The following SLIT2 variants were observed in gnomAD, a reference collection of about 807,000 sequenced individuals.
SLIT2 encodes the protein slit guidance ligand 2.
In SLIT2, 41 loss-of-function variants were observed where a neutral mutation model predicts 185.7. The observed-to-expected ratio is 0.22, with a 90% CI of 0.17 to 0.29. The LOEUF is 0.29. Ranked by LOEUF, SLIT2 falls within the 10% of genes least tolerant of loss-of-function variation. The pLI is 1.00. For missense variants in SLIT2, 1,571 were observed against 1,909.0 expected (o/e 0.82, Z 3.30); for synonymous variants, 693 against 680.2 (o/e 1.02, Z -0.29).
At chr4:20,436,148 TAAGTA>T (rs1221053418) in intron 4 of SLIT2, among the ~76,000 whole-genome samples, 1 of 152,260 alleles carries the variant, frequency 6.6e-6, no homozygotes, top group Non-Finnish European at 1.5e-5. Flanking sequence ...AGACTTCAGT[TAAGTA>T]GATTATCAGA....
chr4:20,596,765 T>C lies in SLIT2; in HGVS notation c.3561+110T>C, dbSNP rs928091102. 22 of 1,088,500 alleles carry C rather than the reference T, an allele frequency of 2.0e-5. No individual in the cohort carries two copies. In the Admixed American group the frequency reaches 5.2e-4, roughly 26 times the overall value. 67.4% of individuals were successfully genotyped at this position (1,088,500 alleles called of 1,614,324 possible). A position where few individuals can be genotyped will look rare whatever the true frequency, so the allele number is the denominator to read the frequency against. On this transcript the variant is annotated intron_variant, in intron 32 of 36. Coordinates refer to ENST00000504154, the MANE Select transcript of SLIT2 (RefSeq NM_004787.4). The stretch of plus-strand genomic sequence containing the variant: ...TTGATAGTATGTCTTAAATAGACAG[T>C]TAAAAACAGAAAATGCTCCTTGTGT...
At chr4:20,450,630 G>A (rs947988853) in intron 4 of SLIT2, among the ~76,000 whole-genome samples, 1 of 152,020 alleles carries the variant, frequency 6.6e-6, no homozygotes, top group Non-Finnish European at 1.5e-5. Context: ...AATCCAACTG[G>A]GTACACTATT....
intron 29 of SLIT2, among the ~76,000 whole-genome samples, chr4:20,588,944 G>T (rs911921997): frequency 6.6e-6 from 1 of 152,124 alleles, no homozygotes. Context: ...AGAGGATGTG[G>T]CTCTAAGAAG....
intron 4 of SLIT2, among the ~76,000 whole-genome samples, chr4:20,430,500 T>C (rs1728891530): frequency 6.6e-6 from 1 of 152,222 alleles, no homozygotes; most frequent in Admixed American, 6.5e-5. Flanking sequence ...TGTTTTAATA[T>C]CAAAGACAGA....
intron 30 of SLIT2, among the ~76,000 whole-genome samples, chr4:20,594,613 T>G (rs542737018): frequency 6.6e-6 from 1 of 152,172 alleles, no homozygotes; most frequent in Admixed American, 6.5e-5. Context: ...GTTTGAAAAC[T>G]GCTGCACGTG....
At position 20,619,147 on chromosome 4, in the gene SLIT2, G is replaced by T; in HGVS notation, c.*138G>T. On this transcript the variant is annotated 3_prime_UTR_variant, in exon 37 of 37. Coordinates refer to ENST00000504154, the MANE Select transcript of SLIT2 (RefSeq NM_004787.4). ...GACTTATTTTTATTATGAGAATAAA[G>T]ACTTTTTTTCTGCATTTGGAAAAAA... 2 of 857,204 alleles carry T rather than the reference G, an allele frequency of 2.3e-6. No homozygotes were observed. Among genetic ancestry groups the T allele is most frequent in the South Asian group, 3.4e-5 (1 of 29,618 alleles). The allele number at this position is 857,204 out of a possible 1,614,324, so 53.1% of individuals were successfully genotyped here.
chr4:20,427,706 G>T, intron 4 of SLIT2, among the ~76,000 whole-genome samples: 1 of 150,784 alleles, frequency 6.6e-6, no homozygotes. Context: ...TCTAACAATG[G>T]CTGATAATCA....
chr4:20,345,979 G>A (rs1196378480), intron 4 of SLIT2, among the ~76,000 whole-genome samples: 4 of 151,438 alleles, frequency 2.6e-5, no homozygotes, highest in Non-Finnish European at 5.9e-5. Flanking sequence ...CTCAACCTAG[G>A]CACTATTTAT....
intron 18 of SLIT2, among the ~76,000 whole-genome samples, chr4:20,534,122 C>T (rs595012): frequency 6.6e-6 from 1 of 152,092 alleles, no homozygotes; most frequent in African/African-American, 2.4e-5. Flanking sequence ...TCAAAATGGT[C>T]ATTTTATTTC....
chr4:20,596,128 C>T (rs905492310), intron 31 of SLIT2, among the ~76,000 whole-genome samples: 3 of 152,010 alleles, frequency 2.0e-5, no homozygotes, highest in African/African-American at 7.3e-5. Flanking sequence ...GTAGAACTTA[C>T]AGAAGCAAAG....
intron 4 of SLIT2, among the ~76,000 whole-genome samples, chr4:20,295,477 A>G (rs1442278615): frequency 6.6e-6 from 1 of 152,152 alleles, no homozygotes; most frequent in Non-Finnish European, 1.5e-5. Context: ...GGAAATCTTC[A>G]CTCAGGTTTG....
intron 11 of SLIT2, among the ~76,000 whole-genome samples, chr4:20,513,932 G>A (rs1719969953): frequency 6.6e-6 from 1 of 152,166 alleles, no homozygotes; most frequent in South Asian, 2.1e-4. Flanking sequence ...CACTGCTACT[G>A]GAGAGTAGTG....
Position 20,539,576 on chromosome 4 carries a change from A to G in SLIT2, c.1968A>G (p.Leu656=), listed in dbSNP as rs905773199. 4 of 1,608,580 alleles carry G rather than the reference A, an allele frequency of 2.5e-6. No homozygotes were observed. The highest frequency in any genetic ancestry group is 2.6e-6 in the Non-Finnish European group (3 of 1,175,752). ...GGGCATTTGATACTCTCCATTCTTT[A>G]TCTACTCTGTAAGTATGAAAAATAG... ...APGAFDTLHS[L]STLNLLANPF... is the part of the protein sequence containing the mutation. Residue 656 remains leucine (L), a synonymous_variant, in exon 19 of 37, where the codon TTA becomes TTG. Transcript: ENST00000504154.
intron 4 of SLIT2, among the ~76,000 whole-genome samples, chr4:20,269,820 C>T (rs1020640987): frequency 6.6e-6 from 1 of 151,774 alleles, no homozygotes; most frequent in Non-Finnish European, 1.5e-5. Flanking sequence ...ATGTGGTTAT[C>T]AATTCCAGAA....
intron 6 of SLIT2, among the ~76,000 whole-genome samples, chr4:20,481,208 A>G (rs1423196565): frequency 6.6e-6 from 1 of 152,142 alleles, no homozygotes; most frequent in East Asian, 1.9e-4. Context: ...CTGATTTAAC[A>G]TTATTTTTGT....
At chr4:20,525,590 A>G (rs1453345075) in intron 15 of SLIT2, among the ~76,000 whole-genome samples, 1 of 152,164 alleles carries the variant, frequency 6.6e-6, no homozygotes, top group Non-Finnish European at 1.5e-5. Context: ...ACATGAAATC[A>G]GTTACACACA....
At chr4:20,433,154 A>G (rs745775560) in intron 4 of SLIT2, among the ~76,000 whole-genome samples, 5 of 152,234 alleles carry the variant, frequency 3.3e-5, no homozygotes, top group Non-Finnish European at 5.9e-5. Flanking sequence ...AGCAACCACC[A>G]GCCAGATGAA....
chr4:20,383,411 A>G (rs935873344), intron 4 of SLIT2, among the ~76,000 whole-genome samples: 6 of 152,212 alleles, frequency 3.9e-5, no homozygotes, highest in Non-Finnish European at 1.5e-5. Flanking sequence ...CCAGTGGGCA[A>G]AATATTTGAA....
At chr4:20,308,966 G>A (rs1356507272) in intron 4 of SLIT2, among the ~76,000 whole-genome samples, 2 of 151,852 alleles carry the variant, frequency 1.3e-5, no homozygotes, top group Non-Finnish European at 2.9e-5. Flanking sequence ...GTCTTATTTT[G>A]GAGGTTTCGA....
Sources: allele counts gnomAD v4.1 joint callset (sites outside exome capture counted in the v4.1 genomes callset), GRCh38; gene constraint gnomAD v4.1.1; transcripts MANE v1.5; gene names NCBI Gene and HGNC (gene_info 2026-07-23, HGNC 2026-07-21).